The following ADGRD1 variants were observed in gnomAD, a reference collection of about 807,000 sequenced individuals.
ADGRD1 encodes adhesion G protein-coupled receptor D1, also known as G-protein coupled receptor 133.
ADGRD1 carries 77 observed loss-of-function variants against 113.4 expected under a neutral mutation model. That is an observed-to-expected ratio of 0.68 (90% CI 0.57 to 0.82). The LOEUF is 0.82. Among genes scored for constraint, ADGRD1 ranks in the 40% least tolerant of loss-of-function variants. ADGRD1 has a pLI of 0.00. For missense variants in ADGRD1, 1,036 were observed against 1,139.1 expected (o/e 0.91, Z 1.30); for synonymous variants, 474 against 475.0 (o/e 1.00, Z 0.03).
At chr12:130,997,057 G>A (rs1875564318) in intron 8 of ADGRD1, among the ~76,000 whole-genome samples, 1 of 129,360 alleles carries the variant, frequency 7.7e-6, no homozygotes. Context: ...CCAGGCAGAG[G>A]GGCTCCTCAC....
chr12:131,118,507 C>A, intron 19 of ADGRD1, 56 bp downstream of exon 19: 2 of 1,346,334 alleles, frequency 1.5e-6, no homozygotes, highest in Non-Finnish European at 2.1e-6. Flanking sequence ...CAGCTTGTGG[C>A]GAGAGCCCCG....
Position 131,097,934 on chromosome 12 carries a change from G to T in ADGRD1, c.1672-6897G>T, listed in dbSNP as rs528206769. 6.6e-5 allele frequency among the ~76,000 whole-genome samples: 10 copies of T among 152,322 alleles called. No individual in the cohort carries two copies. The South Asian group carries it at 1.5e-3, about 22-fold the overall frequency. On this transcript the variant is annotated intron_variant, in intron 15 of 24. Coordinates refer to ENST00000261654, the MANE Select transcript of ADGRD1 (RefSeq NM_198827.5). ...TGCCAAGTCCAACCAAGGAGAGATG[G>T]TGCTGCTGGGGTGGGCGAAGGGGCC...
chr12:131,108,680 C>G (rs758523483), intron 17 of ADGRD1, 44 bp from the exon 18 acceptor site: 2 of 1,613,602 alleles, frequency 1.2e-6, no homozygotes, highest in Admixed American at 1.7e-5. Context: ...CGCCCAGGGC[C>G]CACCCCAGAG....
intron 13 of ADGRD1, among the ~76,000 whole-genome samples, chr12:131,055,167 A>G (rs574020014): frequency 6.6e-6 from 1 of 152,348 alleles, no homozygotes; most frequent in South Asian, 2.1e-4. Context: ...AAGATTGCTG[A>G]ATGCGTTTCA....
intron 13 of ADGRD1, among the ~76,000 whole-genome samples, chr12:131,038,373 C>T (rs990028408): frequency 3.9e-5 from 6 of 152,222 alleles, no homozygotes; most frequent in African/African-American, 1.2e-4. Flanking sequence ...ACCTGCATCT[C>T]GCCTGCCTGC....
chr12:131,028,629 G>A (rs896929242), intron 13 of ADGRD1, among the ~76,000 whole-genome samples: 4 of 152,128 alleles, frequency 2.6e-5, no homozygotes, highest in Non-Finnish European at 5.9e-5. Flanking sequence ...GTGCAGTAGG[G>A]GTTGAGACTG....
At chr12:131,045,770 G>C (rs561633968) in intron 13 of ADGRD1, among the ~76,000 whole-genome samples, 1 of 152,222 alleles carries the variant, frequency 6.6e-6, no homozygotes, top group African/African-American at 2.4e-5. Context: ...CACAGCTGCC[G>C]GCACCAGGCG....
intron 13 of ADGRD1, chr12:131,023,847 C>T (rs1286892390): frequency 6.6e-6 from 1 of 152,200 alleles, no homozygotes; most frequent in African/African-American, 2.4e-5. Context: ...GCAGATGGAC[C>T]TTCTTCTTCC....
At chr12:131,052,157 G>A (rs1477005256) in intron 13 of ADGRD1, among the ~76,000 whole-genome samples, 1 of 152,184 alleles carries the variant, frequency 6.6e-6, no homozygotes, top group Non-Finnish European at 1.5e-5. Flanking sequence ...TGCAGGAGCC[G>A]AGCTAAGGGG....
rs1046536718 is a variant in ADGRD1, at chr12:131,003,934, G to A, written c.1145-252G>A. 5.3e-5 allele frequency among the ~76,000 whole-genome samples: 8 copies of A among 152,066 alleles called. No homozygotes were observed. Among genetic ancestry groups the A allele is most frequent in the Non-Finnish European group, 8.8e-5 (6 of 68,020 alleles). Reference sequence around the variant, plus strand: ...AGCTGGGGGCTGTGCTGGGGCGGAGGGCGCCCCAGGTGAGGAGCCGCGCGC... The same window carrying A: ...AGCTGGGGGCTGTGCTGGGGCGGAGAGCGCCCCAGGTGAGGAGCCGCGCGC... On this transcript the variant is annotated intron_variant, in intron 10 of 24. Transcript: ENST00000261654. This position sits in a 1 kb window ranked among gnomAD's most constrained non-coding sequence, Gnocchi z 4.8.
rs931514904 is a variant in ADGRD1 at position 131,057,368 on chromosome 12, G to A, written c.1474-19433G>A. On this transcript the variant is annotated intron_variant, in intron 13 of 24. Coordinates refer to ENST00000261654, the MANE Select transcript of ADGRD1 (RefSeq NM_198827.5). The surrounding 1 kb of genome is among the most constrained non-coding windows in gnomAD (Gnocchi z 4.2). Reference sequence around the variant, plus strand: ...TGGAGAAAAGGGGCCAGATGGCAGCGGAGCCGAGTCTGCGCTGCTGTGGCC... The same window carrying A: ...TGGAGAAAAGGGGCCAGATGGCAGCAGAGCCGAGTCTGCGCTGCTGTGGCC... Among the ~76,000 whole-genome samples, 4 of 152,194 alleles carry A rather than the reference G, an allele frequency of 2.6e-5. No individual in the cohort carries two copies. The highest frequency in any genetic ancestry group is 6.5e-5 in the Admixed American group (1 of 15,288).
intron 15 of ADGRD1, among the ~76,000 whole-genome samples, chr12:131,086,069 C>CACT (rs1886442298): frequency 6.6e-6 from 1 of 152,174 alleles, no homozygotes. Flanking sequence ...GTCACCAGGG[C>CACT]TTGAACACCC....
chr12:131,122,364 G>A (rs1007179650), intron 20 of ADGRD1, among the ~76,000 whole-genome samples: 14 of 152,100 alleles, frequency 9.2e-5, no homozygotes, highest in Non-Finnish European at 1.3e-4. Context: ...CAGAGGGGAC[G>A]CCTTTGGGGC....
intron 12 of ADGRD1, among the ~76,000 whole-genome samples, chr12:131,009,467 G>A (rs951707143): frequency 1.3e-5 from 2 of 152,206 alleles, no homozygotes; most frequent in African/African-American, 4.8e-5. Flanking sequence ...TCTGGACTGT[G>A]CATTAGAGCA....
At chr12:131,031,567 G>A (rs553803596) in intron 13 of ADGRD1, among the ~76,000 whole-genome samples, 3 of 151,912 alleles carry the variant, frequency 2.0e-5, no homozygotes, top group Admixed American at 2.0e-4. Flanking sequence ...AGCAAACACG[G>A]CCCCCCCACC....
At chr12:131,118,519 G>C in intron 19 of ADGRD1, 68 bp downstream of exon 19, 1 of 1,193,200 alleles carries the variant, frequency 8.4e-7, no homozygotes, top group South Asian at 1.4e-5. Context: ...AGAGCCCCGT[G>C]GCTCTTGCCT....
chr12:130,999,067 ACTT>A (rs1875995941), intron 8 of ADGRD1, among the ~76,000 whole-genome samples: 1 of 152,194 alleles, frequency 6.6e-6, no homozygotes, highest in South Asian at 2.1e-4. Flanking sequence ...TTTTTATTCT[ACTT>A]CTTAAAAATG....
rs773959863 is a variant in ADGRD1 at position 131,108,717 on chromosome 12, A to C, written c.1888-7A>C. On this transcript the variant is annotated splice_region_variant and splice_polypyrimidine_tract_variant and intron_variant, in intron 17 of 24. Coordinates refer to ENST00000261654, the MANE Select transcript of ADGRD1 (RefSeq NM_198827.5). ...TGTCTCACTTCCCATCTCTGGTTAA[A>C]TCCTAGACCCCCTGCCAAGTGATGG... 1 of 1,614,030 alleles carries C rather than the reference A, an allele frequency of 6.2e-7. No individual in the cohort carries two copies. Among genetic ancestry groups the C allele is most frequent in the South Asian group, 1.1e-5 (1 of 91,064 alleles).
At chr12:131,111,108 TCTTTTTGAGA>T in intron 18 of ADGRD1, among the ~76,000 whole-genome samples, 1 of 152,204 alleles carries the variant, frequency 6.6e-6, no homozygotes, top group East Asian at 1.9e-4. Flanking sequence ...TTTTTTTTTT[TCTTTTTGAGA>T]CAGGGTTTCA....
Sources: gnomAD v4.1 joint callset for allele counts (sites outside exome capture counted in the v4.1 genomes callset) on GRCh38, gnomAD v4.1.1 for gene constraint, Gnocchi (gnomAD v3.1) non-coding constraint, MANE v1.5 for transcripts, NCBI Gene and HGNC (gene_info 2026-07-23, HGNC 2026-07-21) for gene names.